The following PRKD2 variants were observed in gnomAD, a reference collection of about 807,000 sequenced individuals.
PRKD2 encodes protein kinase D2, also known as serine/threonine-protein kinase D2.
In PRKD2, 22 loss-of-function variants were observed where a neutral mutation model predicts 86.0. The observed-to-expected ratio is 0.26, with a 90% CI of 0.18 to 0.37. PRKD2 has a LOEUF of 0.37. PRKD2 is among the 10% of genes least tolerant of loss of function. The probability of loss-of-function intolerance (pLI) is 1.00; values close to 1 mark genes in which losing one functional copy is unlikely to be tolerated. For missense variants in PRKD2, 818 were observed against 1,199.2 expected (o/e 0.68, Z 4.70); for synonymous variants, 509 against 510.9 (o/e 1.00, Z 0.05).
In PRKD2 at chr19:46,697,202, C is replaced by T. The variant is rs2053572293; in HGVS notation, c.1272G>A (p.Lys424=). The change falls in exon 9 of 18, where the codon AAG becomes AAA. Residue 424 remains lysine, a synonymous_variant. Transcript: ENST00000291281. ...RKRHYWRLDC[K]CITLFQNNTT... The stretch of plus-strand genomic sequence containing the variant: ...TGTTGTTCTGGAAGAGCGTGATACA[C>T]TTGCAGTCCAGGCGCCAATAGTGCC... 1 of 1,601,012 alleles carries T rather than the reference C, an allele frequency of 6.2e-7. No individual in the cohort carries two copies. Among genetic ancestry groups the T allele is most frequent in the Non-Finnish European group, 8.6e-7 (1 of 1,168,336 alleles).
In PRKD2 at chr19:46,674,443, A is replaced by G. The variant is rs903580742; in HGVS notation, c.*80T>C. The stretch of plus-strand genomic sequence containing the variant: ...TCCCATCCAGTTTGGGCAGGAAGCC[A>G]CTTTCCCTAGAACAGTTCATTGCTG... On this transcript the variant is annotated 3_prime_UTR_variant, in exon 18 of 18. Transcript: ENST00000291281. 4.1e-6 allele frequency: 6 copies of G among 1,457,900 alleles called. No individual in the cohort carries two copies. The highest frequency in any genetic ancestry group is 4.6e-6 in the Non-Finnish European group (5 of 1,089,264). 90.3% of individuals were successfully genotyped at this position (1,457,900 alleles called of 1,614,324 possible). A position where few individuals can be genotyped will look rare whatever the true frequency, so the allele number is the denominator to read the frequency against.
At chr19:46,680,924 CTATATATATA>C (rs1159306440) in intron 15 of PRKD2, among the ~76,000 whole-genome samples, 5 of 72,442 alleles carry the variant, frequency 6.9e-5, no homozygotes, top group East Asian at 6.3e-4. Flanking sequence ...TTGGGATAAA[CTATATATATA>C]TATATATATA....
chr19:46,694,446 T>G (rs2053528031), intron 9 of PRKD2, among the ~76,000 whole-genome samples: 1 of 151,786 alleles, frequency 6.6e-6, no homozygotes, highest in African/African-American at 2.4e-5. Context: ...AATACAAAAA[T>G]TAGCCAGGCG....
At chr19:46,711,518 G>T (rs996315417) in intron 2 of PRKD2, among the ~76,000 whole-genome samples, 1 of 151,826 alleles carries the variant, frequency 6.6e-6, no homozygotes, top group African/African-American at 2.4e-5. Context: ...TCAGCCTCCA[G>T]AGTAGCTGGG....
chr19:46,705,319 T>C (rs1398994414), intron 3 of PRKD2, among the ~76,000 whole-genome samples: 3 of 152,054 alleles, frequency 2.0e-5, no homozygotes, highest in Non-Finnish European at 4.4e-5. Context: ...TTCCTTTTTC[T>C]GAGGCCCCTT....
At position 46,710,739 on chromosome 19, in the gene PRKD2, A is replaced by G. The variant is rs1287719665; in HGVS notation, c.511+168T>C. The G allele has an allele frequency of 2.3e-5, 19 of 812,030 alleles. No homozygotes were observed. In the East Asian group the frequency reaches 4.4e-4, roughly 19 times the overall value. The allele number at this position is 812,030 out of a possible 1,614,324, so 50.3% of individuals were successfully genotyped here. ...GCCCAGCCCCACCACTCCTTCCCCA[A>G]GCTCTGCTTCTGGGCCCATCCTTCT... On this transcript the variant is annotated intron_variant, in intron 3 of 17. Coordinates refer to ENST00000291281, the MANE Select transcript of PRKD2 (RefSeq NM_016457.5).
chr19:46,713,971 C>G lies in PRKD2; in HGVS notation c.271G>C (p.Asp91His), dbSNP rs764480251. Residue 91 changes from aspartate (D) to histidine (H), a missense_variant, in exon 2 of 18, where the codon GAC (aspartate) becomes CAC (histidine). Transcript: ENST00000291281. ...FPECGFYGLY[D>H]KILLFKHDPT... ...TCATGTTTGAAAAGCAGGATCTTGT[C>G]GTAAAGGCCGTAGAAGCCACACTCA... is the stretch of plus-strand genomic sequence containing the variant. The G allele has an allele frequency of 1.9e-6, 3 of 1,613,420 alleles. No homozygotes were observed. The highest frequency in any genetic ancestry group is 2.5e-6 in the Non-Finnish European group (3 of 1,179,850).
At chr19:46,712,008 CCGTG>C in intron 2 of PRKD2, among the ~76,000 whole-genome samples, 1 of 151,454 alleles carries the variant, frequency 6.6e-6, no homozygotes, top group Non-Finnish European at 1.5e-5. Context: ...GCAGAGGTTG[CCGTG>C]AGCCAAGATC....
intron 10 of PRKD2, among the ~76,000 whole-genome samples, chr19:46,692,659 G>GC (rs2053500267): frequency 6.6e-6 from 1 of 151,948 alleles, no homozygotes; most frequent in Non-Finnish European, 1.5e-5. Flanking sequence ...AGAAGCCTGA[G>GC]CCCCTTAAAT....
intron 2 of PRKD2, among the ~76,000 whole-genome samples, 198 bp from the exon 3 acceptor site, chr19:46,711,236 G>A (rs1030024818): frequency 5.3e-5 from 8 of 152,150 alleles, no homozygotes; most frequent in Admixed American, 4.6e-4. Context: ...ATATCCCTAC[G>A]CCCTGGGCAG....
intron 3 of PRKD2, among the ~76,000 whole-genome samples, chr19:46,705,942 TC>T (rs1301208029): frequency 6.6e-6 from 1 of 152,112 alleles, no homozygotes; most frequent in Non-Finnish European, 1.5e-5. Context: ...ACTGCAGCCT[TC>T]AACTCCTGGG....
At chr19:46,689,969 G>A (rs74915809) in intron 13 of PRKD2, among the ~76,000 whole-genome samples, 1 of 151,992 alleles carries the variant, frequency 6.6e-6, no homozygotes, top group Non-Finnish European at 1.5e-5. Flanking sequence ...CAAACTTCTG[G>A]CCTCAAGTGA....
chr19:46,694,455 C>T (rs542829687), intron 9 of PRKD2, among the ~76,000 whole-genome samples: 116 of 152,084 alleles, frequency 7.6e-4, no homozygotes, highest in African/African-American at 2.5e-3. Context: ...ATTAGCCAGG[C>T]GTGGTGGTGT....
rs1375518183 is a variant in PRKD2 at position 46,678,459 on chromosome 19, C to G, written c.2275G>C (p.Asp759His). ...FPFNEDEDIN[D>H]QIQNAAFMYP... ...ATGAAGGCGGCGTTCTGGATCTGGT[C>G]ATTGATGTCCTCATCCTCGTTGAAA... Residue 759 changes from aspartate (D) to histidine (H), a missense_variant, in exon 16 of 18, where the codon GAC becomes CAC. Physicochemically the swap from Asp to His is moderately conservative, Grantham distance 81. Around this residue, in one of 5 missense-constraint regions of PRKD2, gnomAD observed 154 missense variants for 359.6 expected, o/e 0.43. Transcript: ENST00000291281. The surrounding 1 kb of genome is among the most constrained non-coding windows in gnomAD (Gnocchi z 5.7). The G allele has an allele frequency of 6.2e-7, 1 of 1,614,176 alleles. No individual in the cohort carries two copies. Among genetic ancestry groups the G allele is most frequent in the Admixed American group, 1.7e-5 (1 of 60,018 alleles).
In PRKD2 at chr19:46,716,428, CGGGGGACCCT is replaced by C; in HGVS notation, c.-68_-59del. ...CACCCGGGACCCGGCCGGGGGGCCC[CGGGGGACCCT>C]GGGTTCTAGATCCGCGGGATCTCGT... is the stretch of plus-strand genomic sequence containing the variant. On this transcript the variant is annotated 5_prime_UTR_variant, in exon 1 of 18. Coordinates refer to ENST00000291281, the MANE Select transcript of PRKD2 (RefSeq NM_016457.5). This position sits in a 1 kb window ranked among gnomAD's most constrained non-coding sequence, Gnocchi z 7.9. 8.8e-7 allele frequency: 1 copy of C among 1,132,982 alleles called. No individual in the cohort carries two copies. The highest frequency in any genetic ancestry group is 1.2e-6 in the Non-Finnish European group (1 of 843,434). 70.2% of individuals were successfully genotyped at this position (1,132,982 alleles called of 1,614,324 possible).
At chr19:46,702,528 C>G (rs1227978072) in intron 5 of PRKD2, among the ~76,000 whole-genome samples, 3 of 151,934 alleles carry the variant, frequency 2.0e-5, no homozygotes, top group African/African-American at 7.3e-5. Context: ...CTGCAGATTC[C>G]AAGGTTCTAG....
At chr19:46,689,444 C>T (rs1426162772) in intron 14 of PRKD2, 93 bp downstream of exon 14, 23 of 1,406,122 alleles carry the variant, frequency 1.6e-5, no homozygotes, top group Non-Finnish European at 2.1e-5. Context: ...TGTGACTCCC[C>T]CAAGTGTCTG....
Position 46,697,143 on chromosome 19 carries a change from G to T in PRKD2, c.1317+14C>A. 1 of 1,551,810 alleles carries T rather than the reference G, an allele frequency of 6.4e-7. No individual in the cohort carries two copies. The highest frequency in any genetic ancestry group is 8.9e-7 in the Non-Finnish European group (1 of 1,123,444). ...AGCGGGAAGTCCGAGGGAGCTGAAA[G>T]CCCGGAGGCTTACCTTATAGTATCT... On this transcript the variant is annotated intron_variant, in intron 9 of 17. Transcript: ENST00000291281.
At chr19:46,713,792 CTACCCTCTCCTCCCCCAGAT>C in intron 2 of PRKD2, 51 bp downstream of exon 2, 1 of 1,302,378 alleles carries the variant, frequency 7.7e-7, no homozygotes, top group Non-Finnish European at 1.0e-6. Flanking sequence ...CTAACTCCCC[CTACCCTCTCCTCCCCCAGAT>C]GCCCCGCCCC....
Sources: gnomAD v4.1 joint callset for allele counts (sites outside exome capture counted in the v4.1 genomes callset) on GRCh38, gnomAD v4.1.1 for gene constraint, gnomAD v4.1.1 regional missense constraint, Gnocchi (gnomAD v3.1) non-coding constraint, MANE v1.5 for transcripts, NCBI Gene and HGNC (gene_info 2026-07-23, HGNC 2026-07-21) for gene names.